FHL2: variants seen among roughly 807,000 people sequenced by gnomAD.
The protein encoded by FHL2 is four and a half LIM domains 2.
Under a neutral mutation model 32.7 loss-of-function variants are expected in FHL2, and 20 were observed. The ratio of observed to expected loss-of-function variants is 0.61; its 90% confidence interval spans 0.43 to 0.89. The LOEUF is 0.89. Among genes scored for constraint, FHL2 ranks in the 40% least tolerant of loss-of-function variants. FHL2 has a pLI of 0.00. For synonymous variants in FHL2, 123 were observed against 128.1 expected, an observed-to-expected ratio of 0.96 and a Z score of 0.27; for missense variants, 311 against 358.6, an observed-to-expected ratio of 0.87 and a Z score of 1.07.
intron 5 of FHL2, 111 bp from the exon 6 acceptor site, chr2:105,363,582 GT>G (rs942612730): frequency 5.0e-6 from 5 of 1,008,566 alleles, no homozygotes; most frequent in Non-Finnish European, 5.8e-6. Context: ...CGTCCAGTTT[GT>G]TAAGTCACCA....
chr2:105,386,291 G>A, intron 3 of FHL2, 70 bp downstream of exon 3: 1 of 1,556,210 alleles, frequency 6.4e-7, no homozygotes, highest in South Asian at 1.2e-5. Context: ...CAGGGCTTCA[G>A]CACAAACCAC....
At chr2:105,436,469 C>A (rs772238947) in intron 1 of FHL2, among the ~76,000 whole-genome samples, 4 of 152,016 alleles carry the variant, frequency 2.6e-5, no homozygotes, top group Non-Finnish European at 5.9e-5. Flanking sequence ...TAGAGATAAC[C>A]AATTTTCAAG....
intron 2 of FHL2, 65 bp from the exon 3 acceptor site, chr2:105,386,605 C>T: frequency 7.1e-7 from 1 of 1,402,392 alleles, no homozygotes; most frequent in Non-Finnish European, 9.9e-7. Context: ...CACGCAAAGG[C>T]ATTAACTGTC....
chr2:105,438,139 G>T (rs1430110981), intron 1 of FHL2, among the ~76,000 whole-genome samples: 1 of 152,152 alleles, frequency 6.6e-6, no homozygotes, highest in African/African-American at 2.4e-5. Context: ...ATGAGCAGGG[G>T]TTCTCTATCT....
chr2:105,425,190 C>T (rs142224696), intron 1 of FHL2, among the ~76,000 whole-genome samples: 4,921 of 151,748 alleles, frequency 0.032, 153 homozygotes, highest in East Asian at 0.091. Context: ...CACTTTGACC[C>T]AACTTGGAGC....
chr2:105,429,775 T>G (rs1444020447), intron 1 of FHL2, among the ~76,000 whole-genome samples: 2 of 152,220 alleles, frequency 1.3e-5, no homozygotes, highest in Non-Finnish European at 2.9e-5. Flanking sequence ...CTAGGTTTGT[T>G]CCCTCATCTG....
chr2:105,431,917 G>A (rs975035213), intron 1 of FHL2, among the ~76,000 whole-genome samples: 1 of 152,226 alleles, frequency 6.6e-6, no homozygotes, highest in East Asian at 1.9e-4. Context: ...TCCTGCCGGA[G>A]CTCATCAGCA....
At chr2:105,400,626 A>G (rs1443677114), upstream of FHL2, among the ~76,000 whole-genome samples, 1 of 152,036 alleles carries the variant, frequency 6.6e-6, no homozygotes, top group Non-Finnish European at 1.5e-5. Flanking sequence ...CAAGCCCTAA[A>G]ATGATGAAAC....
chr2:105,379,494 T>A (rs1332129801), intron 3 of FHL2, among the ~76,000 whole-genome samples: 3 of 152,234 alleles, frequency 2.0e-5, no homozygotes, highest in Non-Finnish European at 4.4e-5. Flanking sequence ...CATACCTATT[T>A]TGAGCCATAC....
chr2:105,365,524 AGAAC>A (rs765894849), intron 5 of FHL2, among the ~76,000 whole-genome samples: 2 of 152,226 alleles, frequency 1.3e-5, no homozygotes, highest in Non-Finnish European at 2.9e-5. Flanking sequence ...CTTGATGAGA[AGAAC>A]AAACCAAAAT....
intron 2 of FHL2, among the ~76,000 whole-genome samples, chr2:105,395,610 A>G (rs752847284): frequency 6.6e-6 from 1 of 152,206 alleles, no homozygotes; most frequent in Non-Finnish European, 1.5e-5. Context: ...AGGCTTGCAC[A>G]GTTCCTTCTG....
At chr2:105,417,805 C>T (rs564784540) in intron 1 of FHL2, among the ~76,000 whole-genome samples, 3 of 151,976 alleles carry the variant, frequency 2.0e-5, no homozygotes, top group Non-Finnish European at 4.4e-5. Context: ...TTCTGGAATG[C>T]AGCTGGGCTT....
chr2:105,414,240 C>T (rs764465212), intron 1 of FHL2, among the ~76,000 whole-genome samples: 8 of 152,164 alleles, frequency 5.3e-5, no homozygotes, highest in Admixed American at 2.0e-4. Context: ...CCTCCAGGAA[C>T]CTCCCTATGT....
chr2:105,386,412 C>T lies in FHL2; in HGVS notation c.105G>A (p.Leu35=), dbSNP rs752808126. The T allele has an allele frequency of 7.4e-6, 12 of 1,614,108 alleles. No homozygotes were observed. Among genetic ancestry groups the T allele is most frequent in the Non-Finnish European group, 1.0e-5 (12 of 1,180,042 alleles). Residue 35 remains leucine, a synonymous_variant, in exon 3 of 7, where the codon CTG becomes CTA. Coordinates refer to ENST00000530340, the MANE Select transcript of FHL2 (RefSeq NM_001318895.3). The stretch of plus-strand genomic sequence containing the variant: ...CACACTCCTCGCAGGTGTTGGCGAA[C>T]AGGGTCTCAAAGCACACCACGCAGT... ...SPYCVVCFET[L]FANTCEECGK...
At chr2:105,430,684 T>C (rs1684405972) in intron 1 of FHL2, among the ~76,000 whole-genome samples, 1 of 152,160 alleles carries the variant, frequency 6.6e-6, no homozygotes, top group Non-Finnish European at 1.5e-5. Context: ...ACCCTAGACA[T>C]ATTACTTTAA....
rs1573267301 is a variant in FHL2, at chr2:105,361,388, A to G, written c.735T>C (p.His245=). The change falls in exon 7 of 7, where the codon CAT becomes CAC. Residue 245 remains histidine (H), a synonymous_variant. Coordinates refer to ENST00000530340, the MANE Select transcript of FHL2 (RefSeq NM_001318895.3). ...KYISFEERQW[H]NDCFNCKKCS... The stretch of plus-strand genomic sequence containing the variant: ...ACTTCTTACAGTTAAAGCAGTCGTT[A>G]TGCCACTGCCGTTCCTCAAAGGAGA... 3.7e-6 allele frequency: 6 copies of G among 1,614,144 alleles called. No individual in the cohort carries two copies. The highest frequency in any genetic ancestry group is 5.1e-6 in the Non-Finnish European group (6 of 1,179,958).
chr2:105,366,104 G>A (rs1680614128), intron 5 of FHL2, among the ~76,000 whole-genome samples: 1 of 152,110 alleles, frequency 6.6e-6, no homozygotes, highest in South Asian at 2.1e-4. Context: ...AGCTACTTGG[G>A]AGGCTGAGGC....
rs769517060 is a variant in FHL2, at chr2:105,363,271, C to T, written c.688+14G>A. On this transcript the variant is annotated intron_variant, in intron 6 of 6. Coordinates refer to ENST00000530340, the MANE Select transcript of FHL2 (RefSeq NM_001318895.3). ...TCCAATCGCCCCTGGAAATGGGAAC[C>T]CCGGGACACTCACCGCTGATGGGGT... 1.2e-6 allele frequency: 2 copies of T among 1,613,190 alleles called. No homozygotes were observed. Among genetic ancestry groups the T allele is most frequent in the South Asian group, 1.1e-5 (1 of 90,976 alleles).
chr2:105,385,341 A>C (rs150777928), intron 3 of FHL2, among the ~76,000 whole-genome samples: 320 of 152,346 alleles, frequency 2.1e-3, no homozygotes, highest in African/African-American at 7.2e-3. Flanking sequence ...AGGAAATAGA[A>C]GGAACACATG....
Sources: gnomAD v4.1 joint callset for allele counts (sites outside exome capture counted in the v4.1 genomes callset) on GRCh38, gnomAD v4.1.1 for gene constraint, MANE v1.5 for transcripts, NCBI Gene and HGNC (gene_info 2026-07-23, HGNC 2026-07-21) for gene names.